CAMTA1: variants seen among roughly 807,000 people sequenced by gnomAD.
The protein encoded by CAMTA1 is calmodulin binding transcription activator 1.
Under a neutral mutation model 170.9 loss-of-function variants are expected in CAMTA1, and 27 were observed. The ratio of observed to expected loss-of-function variants is 0.16; its 90% CI spans 0.12 to 0.22. The LOEUF is 0.22. Among genes scored for constraint, CAMTA1 ranks in the 10% least tolerant of loss-of-function variants. CAMTA1 has a pLI of 1.00. For synonymous variants in CAMTA1, 833 were observed against 891.5 expected (o/e 0.93, Z 1.17); for missense variants, 1,619 against 2,217.2 (o/e 0.73, Z 5.42).
intron 4 of CAMTA1, among the ~76,000 whole-genome samples, chr1:7,197,464 C>T (rs560455119): frequency 1.2e-4 from 18 of 151,948 alleles, no homozygotes; most frequent in Admixed American, 5.9e-4. Context: ...AACATGGACA[C>T]TTCTTGTGAC....
At chr1:7,469,182 C>T (rs1347395889) in intron 6 of CAMTA1, among the ~76,000 whole-genome samples, 2 of 152,228 alleles carry the variant, frequency 1.3e-5, no homozygotes, top group Non-Finnish European at 2.9e-5. Flanking sequence ...ACCCTGTCAT[C>T]AGTTTCCCTG....
intron 5 of CAMTA1, 57 bp from the exon 6 acceptor site, chr1:7,467,773 C>CGGTGGTTG: frequency 9.7e-7 from 1 of 1,032,818 alleles, no homozygotes; most frequent in Non-Finnish European, 1.5e-6. Context: ...GCGCCGTCTT[C>CGGTGGTTG]CTTCCTTCCT....
At chr1:7,246,924 T>G in intron 4 of CAMTA1, among the ~76,000 whole-genome samples, 1 of 152,160 alleles carries the variant, frequency 6.6e-6, no homozygotes, top group East Asian at 1.9e-4. Context: ...TGCCTCGGCC[T>G]CCCAAAGTAC....
At chr1:7,356,163 CT>C (rs1417247604) in intron 5 of CAMTA1, among the ~76,000 whole-genome samples, 3 of 152,228 alleles carry the variant, frequency 2.0e-5, no homozygotes, top group Non-Finnish European at 4.4e-5. Flanking sequence ...AGGCTTGCTG[CT>C]TTGGCTGGGG....
At chr1:7,439,885 C>A (rs148611632) in intron 5 of CAMTA1, among the ~76,000 whole-genome samples, 1 of 152,358 alleles carries the variant, frequency 6.6e-6, no homozygotes, top group South Asian at 2.1e-4. Context: ...GCTGCATCTC[C>A]AACCTTGGCT....
At chr1:7,420,530 A>T (rs954087153) in intron 5 of CAMTA1, among the ~76,000 whole-genome samples, 5 of 152,022 alleles carry the variant, frequency 3.3e-5, no homozygotes, top group Non-Finnish European at 7.4e-5. Flanking sequence ...GGGAGTGAAT[A>T]GGCCAGGGAG....
chr1:7,724,520 A>T (rs948182475), intron 11 of CAMTA1, among the ~76,000 whole-genome samples: 2 of 152,144 alleles, frequency 1.3e-5, no homozygotes, highest in Non-Finnish European at 2.9e-5. Flanking sequence ...GGCATAAGAG[A>T]GTCATATTCC....
chr1:6,910,770 C>T (rs1679522686), intron 3 of CAMTA1, among the ~76,000 whole-genome samples: 1 of 152,202 alleles, frequency 6.6e-6, no homozygotes, highest in Non-Finnish European at 1.5e-5. Flanking sequence ...TGCCTGTCAC[C>T]TACTGGGGCT....
At position 7,533,282 on chromosome 1, in the gene CAMTA1, C is replaced by T. The variant is rs550304394; in HGVS notation, c.510+65381C>T. 5.9e-5 allele frequency among the ~76,000 whole-genome samples: 9 copies of T among 152,310 alleles called. No homozygotes were observed. In the South Asian group the frequency reaches 1.2e-3, roughly 21 times the overall value. ...GGCTCCACTGAGGTAGGGCACAGGC[C>T]GGCTGTGCCCTCTGCAGGCAGCTGA... On this transcript the variant is annotated intron_variant, in intron 6 of 22. Transcript: ENST00000303635.
At chr1:6,840,475 A>G (rs1655238863) in intron 3 of CAMTA1, among the ~76,000 whole-genome samples, 1 of 152,050 alleles carries the variant, frequency 6.6e-6, no homozygotes, top group African/African-American at 2.4e-5. Flanking sequence ...GGGTAAAGGA[A>G]AGGAGAAATT....
rs61161982 is a variant in CAMTA1 at position 7,310,647 on chromosome 1, T to TCC, written c.438+61021_438+61022insCC. ...TTCTTTCTTTCTTTCTTTCTTTCTTTTTTCTTTCTTTCTTTCTTTCTTTCC... is the reference window on the plus strand; with the variant it reads ...TTCTTTCTTTCTTTCTTTCTTTCTTTCCTTTCTTTCTTTCTTTCTTTCTTTCC... On this transcript the variant is annotated intron_variant, in intron 5 of 22. Coordinates refer to ENST00000303635, the MANE Select transcript of CAMTA1 (RefSeq NM_015215.4). 5.7e-3 allele frequency among the ~76,000 whole-genome samples: 280 copies of TCC among 49,174 alleles called. 9 individuals are homozygous for TCC. The highest frequency in any genetic ancestry group is 7.5e-3 in the Non-Finnish European group (193 of 25,572). 32.3% of individuals were successfully genotyped at this position (49,174 alleles called of 152,430 possible).
At chr1:7,670,261 C>T (rs2096047150) in intron 9 of CAMTA1, among the ~76,000 whole-genome samples, 1 of 152,208 alleles carries the variant, frequency 6.6e-6, no homozygotes, top group African/African-American at 2.4e-5. Flanking sequence ...ACTCCCAGCC[C>T]CAAGCTCTGA....
chr1:7,327,972 A>C (rs1015360024), intron 5 of CAMTA1, among the ~76,000 whole-genome samples: 3 of 152,010 alleles, frequency 2.0e-5, no homozygotes, highest in African/African-American at 7.2e-5. Context: ...CCCTCCCAGC[A>C]CTTGAAAATA....
chr1:7,440,262 A>G (rs1009586222), intron 5 of CAMTA1, among the ~76,000 whole-genome samples: 1 of 152,264 alleles, frequency 6.6e-6, no homozygotes, highest in Non-Finnish European at 1.5e-5. Flanking sequence ...CTGACTCCGC[A>G]GCTGCCTCCT....
In CAMTA1 at chr1:7,609,830, G is replaced by C. The variant is rs1253500271; in HGVS notation, c.511-30570G>C. ...TGAACACGTGTGAGTGCCAGGAACT[G>C]AGGTTCCTGGCATCCGGGTAGAGTC... On this transcript the variant is annotated intron_variant, in intron 6 of 22. Transcript: ENST00000303635. The surrounding 1 kb of genome is among the most constrained non-coding windows in gnomAD (Gnocchi z 4.4). 6.6e-6 allele frequency among the ~76,000 whole-genome samples: 1 copy of C among 152,206 alleles called. No homozygotes were observed. Among genetic ancestry groups the C allele is most frequent in the African/African-American group, 2.4e-5 (1 of 41,464 alleles).
chr1:7,347,250 C>T (rs988481407), intron 5 of CAMTA1, among the ~76,000 whole-genome samples: 6 of 152,270 alleles, frequency 3.9e-5, no homozygotes, highest in South Asian at 2.1e-4. Context: ...CAATGAGGCC[C>T]GGACTGTTCC....
chr1:6,817,487 TTTTCC>T (rs1203599213), intron 1 of CAMTA1, among the ~76,000 whole-genome samples: 7 of 152,176 alleles, frequency 4.6e-5, no homozygotes, highest in Non-Finnish European at 1.0e-4. Flanking sequence ...CATGAACCAC[TTTTCC>T]TAAGGTATGA....
At chr1:7,467,152 C>G (rs2093230919) in intron 5 of CAMTA1, among the ~76,000 whole-genome samples, 1 of 152,216 alleles carries the variant, frequency 6.6e-6, no homozygotes, top group South Asian at 2.1e-4. Flanking sequence ...GTCCACCCTT[C>G]CTGACCTTGA....
intron 4 of CAMTA1, among the ~76,000 whole-genome samples, chr1:7,156,501 G>A (rs1646894300): frequency 6.6e-6 from 1 of 152,154 alleles, no homozygotes; most frequent in South Asian, 2.1e-4. Context: ...CCTTCAAAAT[G>A]AGCTCCCTCT....
Sources: allele counts gnomAD v4.1 joint callset (sites outside exome capture counted in the v4.1 genomes callset), GRCh38; gene constraint gnomAD v4.1.1; non-coding constraint Gnocchi (gnomAD v3.1); transcripts MANE v1.5; gene names NCBI Gene and HGNC (gene_info 2026-07-23, HGNC 2026-07-21).